Variants in ISM1 observed in about 807,000 individuals in gnomAD.
ISM1 encodes the protein isthmin 1.
In ISM1, 25 loss-of-function variants were observed where a neutral mutation model predicts 46.3. The ratio of observed to expected loss-of-function variants is 0.54; its 90% CI spans 0.39 to 0.75. The LOEUF is 0.75. Ranked by LOEUF, ISM1 falls within the 30% of genes least tolerant of loss-of-function variation. The pLI, the probability that ISM1 is intolerant of heterozygous loss-of-function variation, is 0.00. For missense variants in ISM1, 536 were observed against 625.4 expected (o/e 0.86, Z 1.52); for synonymous variants, 255 against 256.7 (o/e 0.99, Z 0.06).
At chr20:13,310,524 G>A in the ISM1 span, among the ~76,000 whole-genome samples, 1 of 152,176 alleles carries the variant, frequency 6.6e-6, no homozygotes, top group African/African-American at 2.4e-5. Context: ...GCAGAGATTT[G>A]TCTCCTGCCC....
intron 1 of ISM1, among the ~76,000 whole-genome samples, chr20:13,237,046 T>C (rs2039658904): frequency 6.6e-6 from 1 of 152,222 alleles, no homozygotes; most frequent in Non-Finnish European, 1.5e-5. Context: ...AGGGACTCTG[T>C]GTGGGGGCTC....
At chr20:13,235,556 G>A (rs56380872) in intron 1 of ISM1, among the ~76,000 whole-genome samples, 1 of 152,198 alleles carries the variant, frequency 6.6e-6, no homozygotes, top group Admixed American at 6.5e-5. Context: ...GTGAGTCCCA[G>A]AGGGCCCTGC....
chr20:13,288,569 C>A lies in ISM1; in HGVS notation c.673C>A (p.Leu225Ile). ...CACAGATGGCGAGGGTGACTGGAGT[C>A]TCTGGTCTGTCTGCAGCGTCACCTG... The part of the protein sequence containing the change: ...DSTDGEGDWS[L>I]WSVCSVTCGN... Residue 225 changes from leucine (L) to isoleucine (I), a missense_variant, in exon 4 of 6, where the codon CTC (leucine) becomes ATC (isoleucine). By Grantham distance (5) the Leu-to-Ile change is conservative. This residue lies in a region of ISM1 where 367 missense variants were observed against 376.1 expected (regional missense o/e 0.98). Coordinates refer to ENST00000262487, the MANE Select transcript of ISM1 (RefSeq NM_080826.2). The A allele has an allele frequency of 6.2e-7, 1 of 1,613,984 alleles. No individual in the cohort carries two copies. The highest frequency in any genetic ancestry group is 8.5e-7 in the Non-Finnish European group (1 of 1,179,888).
At chr20:13,235,302 T>C (rs2039635309) in intron 1 of ISM1, among the ~76,000 whole-genome samples, 1 of 152,224 alleles carries the variant, frequency 6.6e-6, no homozygotes, top group Admixed American at 6.5e-5. Context: ...CTGTTACCAT[T>C]TCATCAGCCA....
chr20:13,237,211 A>G (rs2039661382), intron 1 of ISM1, among the ~76,000 whole-genome samples: 1 of 152,206 alleles, frequency 6.6e-6, no homozygotes, highest in African/African-American at 2.4e-5. Context: ...ACATATCAAC[A>G]TGCCCTTGGC....
In ISM1 at chr20:13,224,909, G is replaced by C. The variant is rs191665723; in HGVS notation, c.138+2995G>C. Among the ~76,000 whole-genome samples the C allele has an allele frequency of 1.1e-3, 161 of 144,066 alleles. 1 individual carries two copies. The East Asian group carries it at 0.025, about 23-fold the overall frequency. The allele number at this position is 144,066 out of a possible 152,430, so 94.5% of individuals were successfully genotyped here. On this transcript the variant is annotated intron_variant, in intron 1 of 5. Transcript: ENST00000262487. The stretch of plus-strand genomic sequence containing the variant: ...CGCCCAGGCTGGAGTGCAGTGGCGC[G>C]ATCTCTGCTCACTGCAACCTCCACT...
At chr20:13,255,206 G>A (rs2039913658) in intron 1 of ISM1, among the ~76,000 whole-genome samples, 1 of 152,346 alleles carries the variant, frequency 6.6e-6, no homozygotes. Flanking sequence ...TTTAAGCTGA[G>A]ACTTGAAGGA....
At chr20:13,233,544 A>G (rs1180259969) in intron 1 of ISM1, among the ~76,000 whole-genome samples, 1 of 151,558 alleles carries the variant, frequency 6.6e-6, no homozygotes, top group Non-Finnish European at 1.5e-5. Context: ...GCAATGAGCC[A>G]AGACTGTGCT....
At chr20:13,310,461 C>T in the ISM1 span, among the ~76,000 whole-genome samples, 13 of 151,276 alleles carry the variant, frequency 8.6e-5, no homozygotes, top group African/African-American at 2.9e-4. Context: ...AGACCTAAAA[C>T]TGTAAAACAA....
chr20:13,233,569 T>C (rs1460305160), intron 1 of ISM1, among the ~76,000 whole-genome samples: 2 of 135,046 alleles, frequency 1.5e-5, no homozygotes, highest in Non-Finnish European at 1.5e-5. Flanking sequence ...CATTCCTGCC[T>C]GGGCAACAAG....
the ISM1 span, among the ~76,000 whole-genome samples, chr20:13,325,834 A>G: frequency 6.6e-6 from 1 of 152,194 alleles, no homozygotes; most frequent in African/African-American, 2.4e-5. Context: ...ACACTTTAAA[A>G]GAAAACATTG....
chr20:13,241,282 G>C (rs1303533567), intron 1 of ISM1, among the ~76,000 whole-genome samples: 1 of 152,106 alleles, frequency 6.6e-6, no homozygotes, highest in African/African-American at 2.4e-5. Context: ...ATACAAATAA[G>C]TCTTGCAAAA....
At chr20:13,264,753 G>T (rs1174244138) in intron 1 of ISM1, among the ~76,000 whole-genome samples, 1 of 152,180 alleles carries the variant, frequency 6.6e-6, no homozygotes, top group Non-Finnish European at 1.5e-5. Context: ...TCAGTATAAA[G>T]GACACAAGTG....
chr20:13,299,453 A>G lies in ISM1; in HGVS notation c.1389A>G (p.Glu463=), dbSNP rs1444623174. Residue 463 remains glutamate (E), a synonymous_variant, in exon 6 of 6, where the codon GAA becomes GAG. Coordinates refer to ENST00000262487, the MANE Select transcript of ISM1 (RefSeq NM_080826.2). The surrounding 1 kb of genome is among the most constrained non-coding windows in gnomAD (Gnocchi z 5.8). ...DYIKQFQEAR[E]Y is the part of the protein sequence containing the mutation. ...TCAAGCAGTTCCAAGAGGCCAGGGAATATTAAAGAGACTGGGATGAGGTGG... is the reference window on the plus strand; with the variant it reads ...TCAAGCAGTTCCAAGAGGCCAGGGAGTATTAAAGAGACTGGGATGAGGTGG... The G allele has an allele frequency of 6.3e-7, 1 of 1,595,202 alleles. No individual in the cohort carries two copies. The highest frequency in any genetic ancestry group is 1.3e-5 in the African/African-American group (1 of 74,742).
chr20:13,246,614 T>C (rs1455988938), intron 1 of ISM1, among the ~76,000 whole-genome samples: 1 of 152,216 alleles, frequency 6.6e-6, no homozygotes, highest in Admixed American at 6.5e-5. Context: ...GTTTTTTCAT[T>C]TTATAGATGA....
chr20:13,242,601 A>G (rs2039739978), intron 1 of ISM1, among the ~76,000 whole-genome samples: 1 of 152,156 alleles, frequency 6.6e-6, no homozygotes, highest in South Asian at 2.1e-4. Flanking sequence ...TGGTCTCTTG[A>G]TGGCAGCTGG....
At position 13,221,872 on chromosome 20, in the gene ISM1, G is replaced by C; in HGVS notation, c.96G>C (p.Gly32=). 7.1e-7 allele frequency: 1 copy of C among 1,414,674 alleles called. No homozygotes were observed. 87.6% of individuals were successfully genotyped at this position (1,414,674 alleles called of 1,614,324 possible). ...TGCGCGGCTCGGGAGCCGCCGACGGGCCCGACGCGGCCGCGGGCAACGCCA... is the reference window on the plus strand; with the variant it reads ...TGCGCGGCTCGGGAGCCGCCGACGGCCCCGACGCGGCCGCGGGCAACGCCA... The part of the protein sequence containing the change: ...TVLRGSGAAD[G]PDAAAGNASQ... The change falls in exon 1 of 6, where the codon GGG becomes GGC. Residue 32 remains glycine (G), a synonymous_variant. Transcript: ENST00000262487.
chr20:13,279,703 A>G lies in ISM1; in HGVS notation c.448A>G (p.Ser150Gly). ...AGATCAGCATCCGGAGAATAAGCCC[A>G]GCTGGTCAGTCCCATCCCCCGACTG... ...DKDQHPENKP[S>G]WSVPSPDWRA... The change falls in exon 3 of 6, where the codon AGC (serine) becomes GGC (glycine). Residue 150 changes from serine to glycine, a missense_variant. Around this residue, in one of 2 missense-constraint regions of ISM1, gnomAD observed 367 missense variants for 376.1 expected, o/e 0.98. Coordinates refer to ENST00000262487, the MANE Select transcript of ISM1 (RefSeq NM_080826.2). 1 of 1,614,024 alleles carries G rather than the reference A, an allele frequency of 6.2e-7. No homozygotes were observed. The highest frequency in any genetic ancestry group is 1.6e-4 in the Middle Eastern group (1 of 6,062).
chr20:13,274,304 C>T (rs537299434), intron 2 of ISM1, among the ~76,000 whole-genome samples: 1 of 152,292 alleles, frequency 6.6e-6, no homozygotes, highest in East Asian at 1.9e-4. Context: ...GCCGATTCAG[C>T]CCAGCAGACA....
Sources: gnomAD v4.1 joint callset for allele counts (sites outside exome capture counted in the v4.1 genomes callset) on GRCh38, gnomAD v4.1.1 for gene constraint, gnomAD v4.1.1 regional missense constraint, Gnocchi (gnomAD v3.1) non-coding constraint, MANE v1.5 for transcripts, NCBI Gene and HGNC (gene_info 2026-07-23, HGNC 2026-07-21) for gene names.